Variants in GALNT11 observed in about 807,000 individuals in gnomAD.
GALNT11 encodes UDP-GalNAc:polypeptide N-acetylgalactosaminyltransferase 11.
A neutral mutation model predicts 72.7 loss-of-function variants in GALNT11; 47 were observed. That is an observed-to-expected ratio of 0.65 (90% CI 0.51 to 0.82). The LOEUF (loss-of-function observed/expected upper bound fraction) is 0.82. GALNT11 is among the 40% of genes least tolerant of loss of function. The probability of loss-of-function intolerance (pLI) is 0.00; values close to 1 mark genes in which losing one functional copy is unlikely to be tolerated. For missense variants in GALNT11, 677 were observed against 778.4 expected, an observed-to-expected ratio of 0.87 and a Z score of 1.55; for synonymous variants, 270 against 286.6, an observed-to-expected ratio of 0.94 and a Z score of 0.58.
intron 1 of GALNT11, among the ~76,000 whole-genome samples, chr7:152,066,855 A>G (rs2084340358): frequency 6.6e-6 from 1 of 152,230 alleles, no homozygotes; most frequent in Admixed American, 6.5e-5. Context: ...GTAACATCAA[A>G]GATCATCGAC....
intron 1 of GALNT11, among the ~76,000 whole-genome samples, chr7:152,038,061 T>C (rs914504745): frequency 1.1e-4 from 16 of 152,332 alleles, no homozygotes; most frequent in Non-Finnish European, 1.5e-4. Flanking sequence ...TGAGCCACTG[T>C]GCCCAGCCCG....
intron 1 of GALNT11, among the ~76,000 whole-genome samples, chr7:152,080,358 T>C (rs2085247262): frequency 2.0e-5 from 3 of 152,188 alleles, no homozygotes; most frequent in Admixed American, 2.0e-4. Context: ...TATTTTCAAG[T>C]TAGGGAGTTT....
At chr7:152,075,902 A>G (rs537962997) in intron 1 of GALNT11, among the ~76,000 whole-genome samples, 6 of 151,856 alleles carry the variant, frequency 4.0e-5, no homozygotes, top group African/African-American at 1.2e-4. Context: ...TCTACTAAAA[A>G]TACAAAAAAA....
At position 152,100,818 on chromosome 7, in the gene GALNT11, G is replaced by T; in HGVS notation, c.316G>T (p.Asp106Tyr). 6.2e-7 allele frequency: 1 copy of T among 1,613,682 alleles called. No homozygotes were observed. The highest frequency in any genetic ancestry group is 8.5e-7 in the Non-Finnish European group (1 of 1,179,912). Reference protein sequence around the residue: ...SELGMIFNERDQELRDLGYQK... With the variant: ...SELGMIFNERYQELRDLGYQK... Reference sequence around the variant, plus strand: ...TGCAGGTATGATTTTTAATGAACGCGATCAAGAGTTGAGAGACTTGGGCTA... The same window carrying T: ...TGCAGGTATGATTTTTAATGAACGCTATCAAGAGTTGAGAGACTTGGGCTA... Residue 106 changes from aspartate (D) to tyrosine (Y), a missense_variant, in exon 3 of 12, where the codon GAT becomes TAT. By Grantham distance (160) the Asp-to-Tyr change is radical (BLOSUM62 -3). Transcript: ENST00000430044.
chr7:152,110,646 G>A lies in GALNT11; in HGVS notation c.1080+1G>A. 4 of 1,584,792 alleles carry A rather than the reference G, an allele frequency of 2.5e-6. No individual in the cohort carries two copies. The highest frequency in any genetic ancestry group is 3.5e-6 in the Non-Finnish European group (4 of 1,156,606). ...AGAAAATTTGGAAATATCATTTCGGGTAATTTAATTTTTGCATGCTCAATT... is the reference window on the plus strand; with the variant it reads ...AGAAAATTTGGAAATATCATTTCGGATAATTTAATTTTTGCATGCTCAATT... On this transcript the variant is annotated splice_donor_variant, in intron 7 of 11. Coordinates refer to ENST00000430044, the MANE Select transcript of GALNT11 (RefSeq NM_022087.4). LOFTEE classifies it high-confidence loss of function.
chr7:152,078,956 C>T (rs972799316), intron 1 of GALNT11, among the ~76,000 whole-genome samples: 2 of 152,172 alleles, frequency 1.3e-5, no homozygotes, highest in Non-Finnish European at 2.9e-5. Flanking sequence ...ACTGGCACCA[C>T]TCAGCCATGG....
intron 1 of GALNT11, among the ~76,000 whole-genome samples, chr7:152,047,979 T>C (rs776736696): frequency 2.6e-5 from 4 of 152,066 alleles, no homozygotes; most frequent in Non-Finnish European, 4.4e-5. Context: ...TGTTTTTCTG[T>C]GTACTTGCTA....
chr7:152,065,176 T>G (rs2084238670), intron 1 of GALNT11, among the ~76,000 whole-genome samples: 1 of 152,076 alleles, frequency 6.6e-6, no homozygotes, highest in African/African-American at 2.4e-5. Context: ...TTCTCTAAAC[T>G]TCTCTTCTTG....
intron 2 of GALNT11, among the ~76,000 whole-genome samples, chr7:152,099,514 C>A (rs1299549061): frequency 6.8e-6 from 1 of 148,146 alleles, no homozygotes. Context: ...CGGGAATGCA[C>A]CACCACTCCC....
chr7:152,073,083 C>A (rs1260555632), intron 1 of GALNT11, among the ~76,000 whole-genome samples: 1 of 152,088 alleles, frequency 6.6e-6, no homozygotes, highest in Non-Finnish European at 1.5e-5. Context: ...ATATACGTAA[C>A]GTATCAGTGA....
intron 1 of GALNT11, among the ~76,000 whole-genome samples, chr7:152,070,600 TCTC>T (rs1190679246): frequency 6.6e-6 from 1 of 152,166 alleles, no homozygotes; most frequent in East Asian, 1.9e-4. Flanking sequence ...TCAACTCTGA[TCTC>T]CTCTTTTGCC....
intron 1 of GALNT11, among the ~76,000 whole-genome samples, chr7:152,046,302 G>C (rs1041745453): frequency 6.6e-6 from 1 of 152,128 alleles, no homozygotes; most frequent in African/African-American, 2.4e-5. Context: ...TGCCCTGTAA[G>C]TATTTATTAG....
At chr7:152,076,665 A>C (rs2085001034) in intron 1 of GALNT11, among the ~76,000 whole-genome samples, 1 of 152,230 alleles carries the variant, frequency 6.6e-6, no homozygotes, top group Non-Finnish European at 1.5e-5. Context: ...CCTGCCCTGC[A>C]CGTGGGCAGA....
intron 1 of GALNT11, among the ~76,000 whole-genome samples, chr7:152,049,547 AC>A (rs1238355448): frequency 6.6e-6 from 1 of 152,178 alleles, no homozygotes; most frequent in Non-Finnish European, 1.5e-5. Context: ...TGCTGTGGCC[AC>A]CACCACTGAG....
At chr7:152,049,276 C>T (rs1187569619) in intron 1 of GALNT11, among the ~76,000 whole-genome samples, 1 of 152,150 alleles carries the variant, frequency 6.6e-6, no homozygotes, top group Non-Finnish European at 1.5e-5. Flanking sequence ...GAAAGACTTT[C>T]CATATATTCA....
chr7:152,053,519 C>T (rs1011511463), intron 1 of GALNT11, among the ~76,000 whole-genome samples: 1 of 152,230 alleles, frequency 6.6e-6, no homozygotes, highest in African/African-American at 2.4e-5. Flanking sequence ...TCTGCATCCT[C>T]ATTCCATATA....
At chr7:152,032,284 G>A (rs928227764) in intron 1 of GALNT11, among the ~76,000 whole-genome samples, 6 of 152,196 alleles carry the variant, frequency 3.9e-5, no homozygotes, top group African/African-American at 1.4e-4. Context: ...GTTGGGATGT[G>A]TGGTCTGTGG....
At chr7:152,032,534 T>C (rs919473987) in intron 1 of GALNT11, among the ~76,000 whole-genome samples, 1 of 152,236 alleles carries the variant, frequency 6.6e-6, no homozygotes, top group Non-Finnish European at 1.5e-5. Flanking sequence ...AATTGGGGTG[T>C]TGCAGGGACT....
At chr7:152,049,870 G>A (rs1299010020) in intron 1 of GALNT11, among the ~76,000 whole-genome samples, 1 of 152,062 alleles carries the variant, frequency 6.6e-6, no homozygotes, top group Non-Finnish European at 1.5e-5. Context: ...GAGCAGAGGA[G>A]TCTCCCCCTT....
Sources: gnomAD v4.1 joint callset for allele counts (sites outside exome capture counted in the v4.1 genomes callset) on GRCh38, gnomAD v4.1.1 for gene constraint, MANE v1.5 for transcripts, NCBI Gene and HGNC (gene_info 2026-07-23, HGNC 2026-07-21) for gene names.